The following GPC5 variants were observed in gnomAD, a reference collection of about 807,000 sequenced individuals.
GPC5 encodes glypican 5.
GPC5 carries 47 observed loss-of-function variants against 53.9 expected under a neutral mutation model. The observed-to-expected ratio is 0.87, with a 90% CI of 0.69 to 1.11. The LOEUF is 1.11. Ranked by LOEUF, GPC5 falls within the 50% of genes most tolerant of loss-of-function variation. The probability of loss-of-function intolerance (pLI) is 0.00; values close to 1 mark genes in which losing one functional copy is unlikely to be tolerated. For missense variants in GPC5, 748 were observed against 713.1 expected (o/e 1.05, Z -0.56); for synonymous variants, 286 against 263.3 (o/e 1.09, Z -0.84).
chr13:91,742,249 A>G (rs561056401), intron 4 of GPC5, among the ~76,000 whole-genome samples: 2 of 152,322 alleles, frequency 1.3e-5, no homozygotes, highest in East Asian at 3.9e-4. Context: ...ACATATGGCA[A>G]AAGTTCAGGC....
In GPC5 at chr13:91,448,908, C is replaced by A. The variant is rs766037396; in HGVS notation, c.311C>A (p.Ala104Glu). 6.2e-7 allele frequency: 1 copy of A among 1,612,602 alleles called. No individual in the cohort carries two copies. The highest frequency in any genetic ancestry group is 2.2e-5 in the East Asian group (1 of 44,812). Residue 104 changes from alanine (A) to glutamate (E), a missense_variant, in exon 2 of 8, where the codon GCG becomes GAG. Transcript: ENST00000377067. ...STLKFLISRNAAAFQETLETL... is the reference protein window; with the variant it reads ...STLKFLISRNEAAFQETLETL... ...TTAAAGTTTCTAATATCTCGAAATG[C>A]GGCTGCTTTTCAAGGTAAGTGGATC...
intron 7 of GPC5, among the ~76,000 whole-genome samples, chr13:92,739,203 T>C (rs1284098315): frequency 1.3e-5 from 2 of 152,122 alleles, no homozygotes; most frequent in Non-Finnish European, 2.9e-5. Context: ...ACACATAAAA[T>C]AAATTCAAGA....
intron 7 of GPC5, among the ~76,000 whole-genome samples, chr13:92,379,695 ATATTTGTTCCTCGCTGTGCCCTCTGTG>A (rs1566564284): frequency 6.6e-6 from 1 of 150,838 alleles, no homozygotes; most frequent in Non-Finnish European, 1.5e-5. Flanking sequence ...TGCCCCCTGC[ATATTTGTTCCTCGCTGTGCCCTCTGTG>A]TATTAGTTCC....
At chr13:91,835,231 AAAC>A (rs1372807155) in intron 5 of GPC5, among the ~76,000 whole-genome samples, 1 of 152,154 alleles carries the variant, frequency 6.6e-6, no homozygotes, top group Non-Finnish European at 1.5e-5. Context: ...AAAAGTCAGG[AAAC>A]AACAGATGCT....
At chr13:92,308,880 A>C (rs779016187) in intron 7 of GPC5, among the ~76,000 whole-genome samples, 5 of 152,088 alleles carry the variant, frequency 3.3e-5, no homozygotes, top group Non-Finnish European at 7.4e-5. Context: ...CTGCTTAATA[A>C]ATATTGATAT....
At chr13:92,504,300 A>G (rs961204685) in intron 7 of GPC5, among the ~76,000 whole-genome samples, 2 of 151,994 alleles carry the variant, frequency 1.3e-5, no homozygotes, top group Non-Finnish European at 2.9e-5. Flanking sequence ...ACAGAAACAG[A>G]ATGTTGACAG....
At chr13:92,655,780 A>G (rs1886113725) in intron 7 of GPC5, among the ~76,000 whole-genome samples, 1 of 152,210 alleles carries the variant, frequency 6.6e-6, no homozygotes, top group African/African-American at 2.4e-5. Context: ...GGATCTGGAT[A>G]ACAGTTTTCA....
At chr13:92,382,313 A>G (rs1038380375) in intron 7 of GPC5, among the ~76,000 whole-genome samples, 4 of 152,088 alleles carry the variant, frequency 2.6e-5, no homozygotes, top group African/African-American at 7.2e-5. Flanking sequence ...CCAAATCACC[A>G]CTAAAGAACT....
At chr13:91,582,125 G>C (rs185619933) in intron 2 of GPC5, among the ~76,000 whole-genome samples, 9 of 152,228 alleles carry the variant, frequency 5.9e-5, no homozygotes, top group Admixed American at 4.6e-4. Context: ...GGCTGCAGTG[G>C]GGGAATAGAA....
At chr13:92,773,373 T>C (rs1594496982) in intron 7 of GPC5, among the ~76,000 whole-genome samples, 1 of 152,150 alleles carries the variant, frequency 6.6e-6, no homozygotes, top group East Asian at 1.9e-4. Context: ...GAAATCTTTC[T>C]GCAAATTTCT....
At chr13:92,453,003 C>A (rs1018679286) in intron 7 of GPC5, among the ~76,000 whole-genome samples, 2 of 152,192 alleles carry the variant, frequency 1.3e-5, no homozygotes, top group Non-Finnish European at 2.9e-5. Context: ...CTTCCTATAA[C>A]CCTATGCCGC....
intron 7 of GPC5, among the ~76,000 whole-genome samples, chr13:92,518,677 A>C (rs1295057747): frequency 6.6e-6 from 1 of 152,156 alleles, no homozygotes; most frequent in Non-Finnish European, 1.5e-5. Context: ...CAAAAACATG[A>C]CAAATTGTAA....
At chr13:92,068,981 G>A (rs1011693186) in intron 6 of GPC5, among the ~76,000 whole-genome samples, 17 of 151,886 alleles carry the variant, frequency 1.1e-4, no homozygotes, top group South Asian at 2.1e-4. Context: ...TTTTGCTTAC[G>A]TTTTCTTCTA....
chr13:92,365,772 T>C (rs2043602899), intron 7 of GPC5, among the ~76,000 whole-genome samples: 1 of 151,348 alleles, frequency 6.6e-6, no homozygotes, highest in African/African-American at 2.5e-5. Flanking sequence ...CACCTTCACA[T>C]CTTGTCCTAC....
chr13:92,858,132 G>A (rs979029629), intron 7 of GPC5, among the ~76,000 whole-genome samples: 1 of 152,136 alleles, frequency 6.6e-6, no homozygotes, highest in African/African-American at 2.4e-5. Context: ...TGGTTTGGCT[G>A]TGTTCCCACC....
At chr13:92,629,897 A>C (rs1398344114) in intron 7 of GPC5, among the ~76,000 whole-genome samples, 1 of 152,172 alleles carries the variant, frequency 6.6e-6, no homozygotes, top group African/African-American at 2.4e-5. Context: ...GATTATCTTC[A>C]AATACTTGAT....
intron 7 of GPC5, among the ~76,000 whole-genome samples, chr13:92,415,390 T>C (rs574699785): frequency 1.4e-4 from 21 of 152,126 alleles, no homozygotes; most frequent in African/African-American, 4.1e-4. Context: ...AAAAAGTAGA[T>C]AGGTGTGAGG....
In GPC5 at chr13:91,874,132, G is replaced by T. The variant is rs80320261; in HGVS notation, c.1281-33805G>T. Among the ~76,000 whole-genome samples, 462 of 152,282 alleles carry T rather than the reference G, an allele frequency of 3.0e-3. 1 individual carries two copies. The highest frequency in any genetic ancestry group is 5.2e-3 in the Non-Finnish European group (352 of 68,026). ...ACATAGTAAGCACAGAATAGGTAAAGTGACTCATGTTCTGTGCCTGTGAAA... is the reference window on the plus strand; with the variant it reads ...ACATAGTAAGCACAGAATAGGTAAATTGACTCATGTTCTGTGCCTGTGAAA... On this transcript the variant is annotated intron_variant, in intron 5 of 7. Coordinates refer to ENST00000377067, the MANE Select transcript of GPC5 (RefSeq NM_004466.6).
At chr13:92,044,118 C>T (rs2040962881) in intron 6 of GPC5, among the ~76,000 whole-genome samples, 1 of 152,158 alleles carries the variant, frequency 6.6e-6, no homozygotes, top group Non-Finnish European at 1.5e-5. Context: ...CGTTATTCTT[C>T]TTAGTTCTAC....
Sources: allele counts gnomAD v4.1 joint callset (sites outside exome capture counted in the v4.1 genomes callset), GRCh38; gene constraint gnomAD v4.1.1; transcripts MANE v1.5; gene names NCBI Gene and HGNC (gene_info 2026-07-23, HGNC 2026-07-21).